TOB2: variants seen among roughly 807,000 people sequenced by gnomAD.
The protein encoded by TOB2 is transducer of ERBB2, 2, also known as protein Tob2.
TOB2 carries 3 observed loss-of-function variants against 17.3 expected under a neutral mutation model. The ratio of observed to expected loss-of-function variants is 0.17; its 90% confidence interval spans 0.08 to 0.45. TOB2 has a LOEUF of 0.45. Ranked by LOEUF, TOB2 falls within the 20% of genes least tolerant of loss-of-function variation. TOB2 has a pLI of 0.99. For missense variants in TOB2, 407 were observed against 445.7 expected, an observed-to-expected ratio of 0.91 and a Z score of 0.78; for synonymous variants, 163 against 185.6, an observed-to-expected ratio of 0.88 and a Z score of 0.99.
intron 1 of TOB2, among the ~76,000 whole-genome samples, chr22:41,437,628 T>C (rs2037568993): frequency 6.6e-6 from 1 of 152,128 alleles, no homozygotes; most frequent in African/African-American, 2.4e-5. Context: ...CCTCACAGTG[T>C]ACCTGGCAAT....
rs2037536496 is a variant in TOB2, at chr22:41,435,577, T to C, written c.*734A>G. On this transcript the variant is annotated 3_prime_UTR_variant, in exon 2 of 2. Transcript: ENST00000327492. Reference sequence around the variant, plus strand: ...CCATACACATCAATGGCCAGGGCCATGATGATGGTCTGGGCCTAGAGGGAA... The same window carrying C: ...CCATACACATCAATGGCCAGGGCCACGATGATGGTCTGGGCCTAGAGGGAA... 2 of 152,588 alleles carry C rather than the reference T, an allele frequency of 1.3e-5. No homozygotes were observed. The highest frequency in any genetic ancestry group is 2.4e-5 in the African/African-American group (1 of 41,418). The allele number at this position is 152,588 out of a possible 1,614,324, so 9.5% of individuals were successfully genotyped here. A position where few individuals can be genotyped will look rare whatever the true frequency, so the allele number is the denominator to read the frequency against.
intron 1 of TOB2, among the ~76,000 whole-genome samples, chr22:41,445,686 G>A (rs573110593): frequency 3.9e-5 from 6 of 152,188 alleles, no homozygotes; most frequent in African/African-American, 1.4e-4. Flanking sequence ...GGAGTTTGGG[G>A]GTAGGGCCCC....
At chr22:41,439,794 G>T (rs1277764352) in intron 1 of TOB2, among the ~76,000 whole-genome samples, 3 of 152,126 alleles carry the variant, frequency 2.0e-5, no homozygotes, top group African/African-American at 7.2e-5. Context: ...GGGATTACAG[G>T]CATGAGCCAA....
At chr22:41,443,026 A>G (rs2037635804) in intron 1 of TOB2, among the ~76,000 whole-genome samples, 1 of 152,202 alleles carries the variant, frequency 6.6e-6, no homozygotes, top group South Asian at 2.1e-4. Context: ...ACCTATTAAA[A>G]AGGGCAAATA....
At chr22:41,443,037 T>A (rs1482608886) in intron 1 of TOB2, among the ~76,000 whole-genome samples, 2 of 152,184 alleles carry the variant, frequency 1.3e-5, no homozygotes, top group African/African-American at 2.4e-5. Context: ...AGGGCAAATA[T>A]GAGAGCAAAA....
rs1289836062 is a variant in TOB2, at chr22:41,434,508, G to T, written c.*1803C>A. On this transcript the variant is annotated 3_prime_UTR_variant, in exon 2 of 2. Transcript: ENST00000327492. ...CCCTGAGAAGTCTAGGGGAACAGATGGTGCTGGGCTGAGAAGCCAGGACAT... is the reference window on the plus strand; with the variant it reads ...CCCTGAGAAGTCTAGGGGAACAGATTGTGCTGGGCTGAGAAGCCAGGACAT... 2 of 152,798 alleles carry T rather than the reference G, an allele frequency of 1.3e-5. No individual in the cohort carries two copies. The highest frequency in any genetic ancestry group is 2.4e-5 in the African/African-American group (1 of 41,464). The allele number at this position is 152,798 out of a possible 1,614,324, so 9.5% of individuals were successfully genotyped here. A position where few individuals can be genotyped will look rare whatever the true frequency, so the allele number is the denominator to read the frequency against.
At chr22:41,439,220 G>C (rs1449900546) in intron 1 of TOB2, among the ~76,000 whole-genome samples, 1 of 152,206 alleles carries the variant, frequency 6.6e-6, no homozygotes, top group Non-Finnish European at 1.5e-5. Context: ...TTCCTAGCCA[G>C]ACCTCTGGGC....
Position 41,436,852 on chromosome 22 carries a change from G to A in TOB2, c.494C>T (p.Thr165Ile). The A allele has an allele frequency of 1.2e-6, 2 of 1,614,156 alleles. No individual in the cohort carries two copies. Among genetic ancestry groups the A allele is most frequent in the Non-Finnish European group, 1.7e-6 (2 of 1,180,032 alleles). The change falls in exon 2 of 2, where the codon ACC (threonine) becomes ATC (isoleucine). Residue 165 changes from threonine (T) to isoleucine (I), a missense_variant. Thr to Ile is a moderately conservative substitution (Grantham distance 89). Transcript: ENST00000327492. The surrounding 1 kb of genome is among the most constrained non-coding windows in gnomAD (Gnocchi z 4.8). The part of the protein sequence containing the change: ...SPSFGQSPSP[T>I]FIPRSAQPIT... ...GGGCTGAGCGGAGCGGGGAATGAAG[G>A]TAGGGCTGGGTGACTGGCCAAAGGA...
rs1270777885 is a variant in TOB2 at position 41,434,202 on chromosome 22, T to C, written c.*2109A>G. 6.3e-6 allele frequency: 1 copy of C among 157,844 alleles called. No homozygotes were observed. The highest frequency in any genetic ancestry group is 1.4e-5 in the Non-Finnish European group (1 of 71,946). The allele number at this position is 157,844 out of a possible 1,614,324, so 9.8% of individuals were successfully genotyped here. On this transcript the variant is annotated 3_prime_UTR_variant, in exon 2 of 2. Transcript: ENST00000327492. ...TGCCTAGATTTGAGACAAGACAGACTGAACTGGGCCCAAGAGCGCAGCACT... is the reference window on the plus strand; with the variant it reads ...TGCCTAGATTTGAGACAAGACAGACCGAACTGGGCCCAAGAGCGCAGCACT...
rs186154231 is a variant in TOB2 at position 41,437,221 on chromosome 22, C to G, written c.125G>C (p.Gly42Ala). The G allele has an allele frequency of 1.9e-6, 3 of 1,614,070 alleles. No individual in the cohort carries two copies. The highest frequency in any genetic ancestry group is 1.7e-5 in the Admixed American group (1 of 59,998). The change falls in exon 2 of 2, where the codon GGC becomes GCC. Residue 42 changes from glycine to alanine, a missense_variant. Coordinates refer to ENST00000327492, the MANE Select transcript of TOB2 (RefSeq NM_016272.4). ...LERLLKKKYEGHWYPEKPLKG... is the reference protein window; with the variant it reads ...LERLLKKKYEAHWYPEKPLKG... ...CAGTGGCTTCTCAGGGTACCAGTGG[C>G]CTTCATATTTCTTTTTCAAAAGCCG...
chr22:41,441,091 G>A (rs2037614803), intron 1 of TOB2, among the ~76,000 whole-genome samples: 1 of 152,056 alleles, frequency 6.6e-6, no homozygotes, highest in Non-Finnish European at 1.5e-5. Context: ...GCCGTGGCGA[G>A]TGGATCACAA....
chr22:41,438,347 G>A (rs1431237330), intron 1 of TOB2, among the ~76,000 whole-genome samples: 8 of 152,104 alleles, frequency 5.3e-5, no homozygotes, highest in East Asian at 3.9e-4. Flanking sequence ...TAAGAACTCC[G>A]GCCAGGTGCA....
rs75986371 is a variant in TOB2, at chr22:41,436,045, G to GA, written c.*265dup. 0.064 allele frequency: 19,073 copies of GA among 297,112 alleles called. No homozygotes were observed. Among genetic ancestry groups the GA allele is most frequent in the East Asian group, 0.086 (1,569 of 18,254 alleles). 18.4% of individuals were successfully genotyped at this position (297,112 alleles called of 1,614,324 possible). ...ATGTTATATAGAAAACTACATGTAA[G>GA]AAAAAAAAAAAAGAAAAAGAAATAT... On this transcript the variant is annotated 3_prime_UTR_variant, in exon 2 of 2. Transcript: ENST00000327492. The surrounding 1 kb of genome is among the most constrained non-coding windows in gnomAD (Gnocchi z 4.8).
intron 1 of TOB2, among the ~76,000 whole-genome samples, chr22:41,439,865 A>G (rs2037594423): frequency 6.6e-6 from 1 of 152,024 alleles, no homozygotes; most frequent in African/African-American, 2.4e-5. Flanking sequence ...TTCTGGGGTG[A>G]ATGTATCAGA....
intron 1 of TOB2, among the ~76,000 whole-genome samples, chr22:41,445,043 G>C (rs957991729): frequency 7.2e-5 from 11 of 152,222 alleles, no homozygotes; most frequent in African/African-American, 2.7e-4. Context: ...ATCAAACCCA[G>C]TTCTCCCGTC....
chr22:41,440,016 A>G (rs2037596088), intron 1 of TOB2, among the ~76,000 whole-genome samples: 1 of 152,128 alleles, frequency 6.6e-6, no homozygotes, highest in African/African-American at 2.4e-5. Context: ...CCTCCACAAG[A>G]ACACTCAGGA....
chr22:41,434,406 G>A lies in TOB2; in HGVS notation c.*1905C>T, dbSNP rs1440597814. Reference sequence around the variant, plus strand: ...GGCAGCATCCAACCTTTCCCAGAGAGAAGCTATCTGCTGGGTCTGTCACCT... The same window carrying A: ...GGCAGCATCCAACCTTTCCCAGAGAAAAGCTATCTGCTGGGTCTGTCACCT... On this transcript the variant is annotated 3_prime_UTR_variant, in exon 2 of 2. Coordinates refer to ENST00000327492, the MANE Select transcript of TOB2 (RefSeq NM_016272.4). The A allele has an allele frequency of 6.5e-6, 1 of 152,948 alleles. No homozygotes were observed. The highest frequency in any genetic ancestry group is 1.5e-5 in the Non-Finnish European group (1 of 68,302). The allele number at this position is 152,948 out of a possible 1,614,324, so 9.5% of individuals were successfully genotyped here.
chr22:41,444,869 G>A (rs1165983577), intron 1 of TOB2, among the ~76,000 whole-genome samples: 1 of 152,166 alleles, frequency 6.6e-6, no homozygotes, highest in Non-Finnish European at 1.5e-5. Context: ...GCTTAGATAA[G>A]GTCACGACCC....
At chr22:41,443,915 C>T (rs540405430) in intron 1 of TOB2, among the ~76,000 whole-genome samples, 22 of 152,264 alleles carry the variant, frequency 1.4e-4, no homozygotes, top group African/African-American at 4.3e-4. Flanking sequence ...CGTGAGCCAC[C>T]GCACCCGGCC....
Sources: allele counts gnomAD v4.1 joint callset (sites outside exome capture counted in the v4.1 genomes callset), GRCh38; gene constraint gnomAD v4.1.1; non-coding constraint Gnocchi (gnomAD v3.1); transcripts MANE v1.5; gene names NCBI Gene and HGNC (gene_info 2026-07-23, HGNC 2026-07-21).